The following DRC8 variants were observed in gnomAD, a reference collection of about 807,000 sequenced individuals.
DRC8 encodes dynein regulatory complex subunit 8.
At chr1:245,087,400 G>A in the DRC8 span, 1 of 1,553,742 alleles carries the variant, frequency 6.4e-7, no homozygotes, top group Non-Finnish European at 8.6e-7. Flanking sequence ...AACAATTTTA[G>A]AAATTGCTTG....
At chr1:245,044,157 G>T in the DRC8 span, 1 of 152,154 alleles carries the variant, frequency 6.6e-6, no homozygotes, top group Non-Finnish European at 1.5e-5. Context: ...CATACTTTGA[G>T]GTTATTTGTG....
the DRC8 span, among the ~76,000 whole-genome samples, chr1:244,986,485 C>G: frequency 6.6e-6 from 1 of 152,110 alleles, no homozygotes; most frequent in Non-Finnish European, 1.5e-5. Flanking sequence ...TTTGTGAAGA[C>G]CAGGTCAGGG....
At chr1:244,993,795 C>T in the DRC8 span, among the ~76,000 whole-genome samples, 1 of 152,102 alleles carries the variant, frequency 6.6e-6, no homozygotes, top group African/African-American at 2.4e-5. Context: ...TTAAGGAACC[C>T]ACTCCTGCTA....
chr1:245,061,768 T>G, the DRC8 span, among the ~76,000 whole-genome samples: 2 of 152,212 alleles, frequency 1.3e-5, no homozygotes, highest in African/African-American at 4.8e-5. Flanking sequence ...TATAATAGTT[T>G]CAGAGATCAA....
At chr1:244,984,122 T>G in the DRC8 span, among the ~76,000 whole-genome samples, 1 of 148,384 alleles carries the variant, frequency 6.7e-6, no homozygotes, top group East Asian at 2.1e-4. Flanking sequence ...ACCTGGCTAA[T>G]TTTTTTGGGG....
the DRC8 span, among the ~76,000 whole-genome samples, chr1:245,044,855 C>T: frequency 6.6e-6 from 1 of 151,854 alleles, no homozygotes; most frequent in African/African-American, 2.4e-5. Context: ...CCGACCCAGC[C>T]CCAACAAAGT....
At chr1:244,995,926 T>TA in the DRC8 span, among the ~76,000 whole-genome samples, 1 of 152,252 alleles carries the variant, frequency 6.6e-6, no homozygotes, top group African/African-American at 2.4e-5. Flanking sequence ...AGGCATGTGT[T>TA]ACGCCAGCTC....
At chr1:245,015,448 C>T in the DRC8 span, among the ~76,000 whole-genome samples, 41 of 152,264 alleles carry the variant, frequency 2.7e-4, no homozygotes, top group Middle Eastern at 3.4e-3. Flanking sequence ...CGGTGGCTCA[C>T]GCCTGTAATC....
the DRC8 span, among the ~76,000 whole-genome samples, chr1:245,118,924 T>C: frequency 6.6e-6 from 1 of 152,210 alleles, no homozygotes; most frequent in Non-Finnish European, 1.5e-5. Context: ...ATGGGACAGC[T>C]GATGAGCTCC....
chr1:244,995,233 C>T, the DRC8 span, among the ~76,000 whole-genome samples: 18 of 152,066 alleles, frequency 1.2e-4, no homozygotes, highest in East Asian at 2.5e-3. Context: ...TGGTGGCAGG[C>T]GCCTGTAACC....
At chr1:245,064,683 A>G in the DRC8 span, among the ~76,000 whole-genome samples, 2 of 152,214 alleles carry the variant, frequency 1.3e-5, no homozygotes, top group Non-Finnish European at 2.9e-5. Flanking sequence ...TCTACATTCA[A>G]TGGATTTTTC....
the DRC8 span, among the ~76,000 whole-genome samples, chr1:245,017,854 A>G: frequency 6.6e-6 from 1 of 152,180 alleles, no homozygotes; most frequent in South Asian, 2.1e-4. Context: ...TGGGACTGAA[A>G]CAAAACAAAC....
At chr1:245,087,872 T>C in the DRC8 span, 13 of 615,972 alleles carry the variant, frequency 2.1e-5, no homozygotes, top group East Asian at 1.8e-3. Flanking sequence ...AAATATCATT[T>C]GGGATAATAA....
chr1:245,097,149 T>C, the DRC8 span, among the ~76,000 whole-genome samples: 1 of 152,208 alleles, frequency 6.6e-6, no homozygotes, highest in Non-Finnish European at 1.5e-5. The surrounding 1 kb of genome is among the most constrained non-coding windows in gnomAD (Gnocchi z 5.0). Context: ...AGGGACTTCA[T>C]GGAAAGGGTG....
the DRC8 span, among the ~76,000 whole-genome samples, chr1:244,985,084 T>G: frequency 6.7e-6 from 1 of 148,474 alleles, no homozygotes; most frequent in Non-Finnish European, 1.5e-5. Flanking sequence ...GGGTTTTTTT[T>G]TTTTTTTTTT....
At chr1:245,043,143 G>C in the DRC8 span, among the ~76,000 whole-genome samples, 1 of 152,102 alleles carries the variant, frequency 6.6e-6, no homozygotes, top group African/African-American at 2.4e-5. Context: ...AAAAGAAATC[G>C]AATGTTGACT....
At chr1:245,033,338 A>G in the DRC8 span, among the ~76,000 whole-genome samples, 3 of 152,212 alleles carry the variant, frequency 2.0e-5, no homozygotes, top group Non-Finnish European at 4.4e-5. Flanking sequence ...TGCCAACTGT[A>G]TTCTGCCGAG....
the DRC8 span, among the ~76,000 whole-genome samples, chr1:245,006,301 A>C: frequency 1.3e-5 from 1 of 76,780 alleles, no homozygotes; most frequent in Non-Finnish European, 2.6e-5. Context: ...GGAAGTGATG[A>C]GTGTTTATTT....
the DRC8 span, among the ~76,000 whole-genome samples, chr1:244,978,732 C>A: frequency 6.6e-6 from 1 of 152,034 alleles, no homozygotes; most frequent in Middle Eastern, 3.4e-3. Context: ...TCAGGCAATC[C>A]TACCACCTTG....
Sources: gnomAD v4.1 joint callset for allele counts (sites outside exome capture counted in the v4.1 genomes callset) on GRCh38, gnomAD v4.1.1 for gene constraint, Gnocchi (gnomAD v3.1) non-coding constraint, MANE v1.5 for transcripts, NCBI Gene and HGNC (gene_info 2026-07-23, HGNC 2026-07-21) for gene names.